The following LGR6 variants were observed in gnomAD, a reference collection of about 807,000 sequenced individuals.
LGR6 encodes leucine rich repeat containing G protein-coupled receptor 6.
In LGR6, 45 loss-of-function variants were observed where a neutral mutation model predicts 69.4. That is an observed-to-expected ratio of 0.65 (90% CI 0.51 to 0.83). The LOEUF is 0.83. LGR6 is among the 40% of genes least tolerant of loss of function. LGR6 has a pLI of 0.00. For synonymous variants in LGR6, 538 were observed against 555.0 expected (o/e 0.97, Z 0.43); for missense variants, 1,108 against 1,246.7 (o/e 0.89, Z 1.68).
chr1:202,203,837 G>T (rs1214460821), intron 1 of LGR6: 4 of 1,613,808 alleles, frequency 2.5e-6, no homozygotes, highest in Non-Finnish European at 2.5e-6. Flanking sequence ...GACCAAGGTT[G>T]ACACTTGTTT....
At chr1:202,208,650 C>T (rs1028912514) in intron 1 of LGR6, among the ~76,000 whole-genome samples, 6 of 152,224 alleles carry the variant, frequency 3.9e-5, no homozygotes, top group East Asian at 1.9e-4. Context: ...GCCGACGCCA[C>T]GCCAGCCCTC....
At chr1:202,231,719 G>A (rs561498629) in intron 3 of LGR6, among the ~76,000 whole-genome samples, 1 of 152,300 alleles carries the variant, frequency 6.6e-6, no homozygotes, top group African/African-American at 2.4e-5. Flanking sequence ...CGTGTGATGT[G>A]CCACCCTTGG....
At chr1:202,209,146 T>C (rs1659369261) in intron 1 of LGR6, among the ~76,000 whole-genome samples, 2 of 152,098 alleles carry the variant, frequency 1.3e-5, no homozygotes, top group African/African-American at 2.4e-5. Context: ...CAAGTTTCCC[T>C]CCTATTTTGG....
At chr1:202,282,417 TC>T (rs1302089218) in intron 6 of LGR6, among the ~76,000 whole-genome samples, 1 of 152,206 alleles carries the variant, frequency 6.6e-6, no homozygotes. Flanking sequence ...CCTGCTGTCC[TC>T]TTTTGTCTGG....
chr1:202,228,098 A>C, intron 3 of LGR6, 91 bp downstream of exon 3: 1 of 824,202 alleles, frequency 1.2e-6, no homozygotes, highest in Non-Finnish European at 2.0e-6. Flanking sequence ...TTGGTTTACC[A>C]CTGACTTGCT....
chr1:202,214,947 C>T (rs999484113), intron 1 of LGR6, among the ~76,000 whole-genome samples: 1 of 151,936 alleles, frequency 6.6e-6, no homozygotes, highest in African/African-American at 2.4e-5. Flanking sequence ...ATTTAGAAAA[C>T]CCTCTGGCTA....
Position 202,227,798 on chromosome 1 carries a change from T to C in LGR6, c.285-138T>C, listed in dbSNP as rs191926619. 156 of 653,978 alleles carry C rather than the reference T, an allele frequency of 2.4e-4. 1 individual carries two copies. The East Asian group carries it at 4.1e-3, about 17-fold the overall frequency. 40.5% of individuals were successfully genotyped at this position (653,978 alleles called of 1,614,324 possible). On this transcript the variant is annotated intron_variant, in intron 2 of 17. Transcript: ENST00000367278. ...AACTGAGGCAATGCATGTGAAGTAT[T>C]AAACGCATCGTAGATTTCAATAAAT...
At chr1:202,282,440 A>G (rs1256936691) in intron 6 of LGR6, among the ~76,000 whole-genome samples, 1 of 152,116 alleles carries the variant, frequency 6.6e-6, no homozygotes, top group Non-Finnish European at 1.5e-5. Context: ...TCAAATGTGA[A>G]CTGTGTGAGC....
intron 3 of LGR6, among the ~76,000 whole-genome samples, chr1:202,230,675 T>C (rs1660954201): frequency 6.6e-6 from 1 of 152,212 alleles, no homozygotes; most frequent in Non-Finnish European, 1.5e-5. Flanking sequence ...TTCTCCAGTC[T>C]TTATCTCAAA....
chr1:202,302,551 TC>T (rs763574921), intron 9 of LGR6, among the ~76,000 whole-genome samples: 91 of 152,058 alleles, frequency 6.0e-4, no homozygotes, highest in Admixed American at 3.2e-3. Flanking sequence ...TTCTCTTTTT[TC>T]TTTTTTCTTT....
At chr1:202,311,731 A>G (rs1462300405) in intron 16 of LGR6, among the ~76,000 whole-genome samples, 1 of 152,210 alleles carries the variant, frequency 6.6e-6, no homozygotes, top group African/African-American at 2.4e-5. Flanking sequence ...GGGGAAGACT[A>G]AAAGATTCCA....
intron 14 of LGR6, among the ~76,000 whole-genome samples, chr1:202,308,572 G>A (rs1653456710): frequency 6.6e-6 from 1 of 152,198 alleles, no homozygotes; most frequent in African/African-American, 2.4e-5. Context: ...ATCCCTGCTT[G>A]TAGCCAGATG....
At chr1:202,196,267 C>T (rs1031908629) in intron 1 of LGR6, among the ~76,000 whole-genome samples, 1 of 152,074 alleles carries the variant, frequency 6.6e-6, no homozygotes, top group African/African-American at 2.4e-5. Flanking sequence ...TACAGTTGTC[C>T]TGAGGGTGTC....
Position 202,247,715 on chromosome 1 carries a change from G to T in LGR6, c.428+11722G>T, listed in dbSNP as rs1442908454. On this transcript the variant is annotated intron_variant, in intron 4 of 17. Coordinates refer to ENST00000367278, the MANE Select transcript of LGR6 (RefSeq NM_001017403.2). ...AAGGCTAGAGTATCTTCTTGGGAAGGTACATTAGAGTCACACTCTCCTCAC... is the reference window on the plus strand; with the variant it reads ...AAGGCTAGAGTATCTTCTTGGGAAGTTACATTAGAGTCACACTCTCCTCAC... Among the ~76,000 whole-genome samples, 5 of 152,208 alleles carry T rather than the reference G, an allele frequency of 3.3e-5. No individual in the cohort carries two copies. The East Asian group carries it at 9.6e-4, about 29-fold the overall frequency.
At chr1:202,231,721 C>T (rs1661092899) in intron 3 of LGR6, among the ~76,000 whole-genome samples, 1 of 152,220 alleles carries the variant, frequency 6.6e-6, no homozygotes, top group Non-Finnish European at 1.5e-5. Context: ...TGTGATGTGC[C>T]ACCCTTGGAC....
At chr1:202,205,734 A>T (rs1659188914) in intron 1 of LGR6, among the ~76,000 whole-genome samples, 1 of 141,502 alleles carries the variant, frequency 7.1e-6, no homozygotes, top group South Asian at 2.2e-4. Context: ...TTCTTCAAAC[A>T]CACACACACA....
At chr1:202,284,485 C>G (rs1410559560) in intron 6 of LGR6, among the ~76,000 whole-genome samples, 1 of 152,210 alleles carries the variant, frequency 6.6e-6, no homozygotes, top group African/African-American at 2.4e-5. Context: ...AACCATACCT[C>G]TTGCTTTGTA....
intron 1 of LGR6, among the ~76,000 whole-genome samples, chr1:202,207,369 A>G (rs1272893838): frequency 6.6e-6 from 1 of 152,056 alleles, no homozygotes. Flanking sequence ...ACTAGAGGGG[A>G]GACTGAGCAA....
intron 6 of LGR6, among the ~76,000 whole-genome samples, chr1:202,291,626 A>G (rs1000996331): frequency 2.0e-5 from 3 of 152,352 alleles, no homozygotes; most frequent in South Asian, 2.1e-4. Context: ...TTGGGGAGAC[A>G]ATATGCATGC....
Sources: allele counts gnomAD v4.1 joint callset (sites outside exome capture counted in the v4.1 genomes callset), GRCh38; gene constraint gnomAD v4.1.1; transcripts MANE v1.5; gene names NCBI Gene and HGNC (gene_info 2026-07-23, HGNC 2026-07-21).